Variants in CLXN observed in about 807,000 individuals in gnomAD.
CLXN encodes the protein calaxin.
the CLXN span, among the ~76,000 whole-genome samples, chr8:48,726,224 T>TCATCCATCCATC: frequency 7.8e-6 from 1 of 128,210 alleles, no homozygotes; most frequent in African/African-American, 3.0e-5. Context: ...CCCATTCACT[T>TCATCCATCCATC]CATCCATCCA....
At chr8:48,716,410 G>C in the CLXN span, 3 of 152,666 alleles carry the variant, frequency 2.0e-5, no homozygotes, top group East Asian at 5.8e-4. Flanking sequence ...CTCTGGCCTA[G>C]GCCTGCCCAG....
chr8:48,733,076 A>C, the CLXN span, among the ~76,000 whole-genome samples: 4 of 152,166 alleles, frequency 2.6e-5, no homozygotes, highest in Non-Finnish European at 5.9e-5. Context: ...TTAAGCACTT[A>C]AAATGGTTAA....
At chr8:48,733,168 G>A in the CLXN span, among the ~76,000 whole-genome samples, 9 of 152,080 alleles carry the variant, frequency 5.9e-5, no homozygotes, top group South Asian at 2.1e-4. Context: ...TAGTTGTTGC[G>A]GAAGAAAAGC....
the CLXN span, among the ~76,000 whole-genome samples, chr8:48,721,234 T>C: frequency 6.6e-6 from 1 of 151,988 alleles, no homozygotes; most frequent in Non-Finnish European, 1.5e-5. Context: ...TAAAAAATAG[T>C]AATAAACTTA....
At chr8:48,725,752 C>T in the CLXN span, among the ~76,000 whole-genome samples, 45 of 151,806 alleles carry the variant, frequency 3.0e-4, no homozygotes, top group South Asian at 1.3e-3. Flanking sequence ...TGCGGTGAGC[C>T]GAGATTGTGC....
chr8:48,734,924 C>T, the CLXN span, among the ~76,000 whole-genome samples: 5 of 152,122 alleles, frequency 3.3e-5, no homozygotes, highest in African/African-American at 4.8e-5. Context: ...GAGCTGGCAC[C>T]CCGGGATTCC....
chr8:48,735,019 G>T, the CLXN span: 1 of 1,544,980 alleles, frequency 6.5e-7, no homozygotes, highest in Non-Finnish European at 8.9e-7. Flanking sequence ...AGGCACAACA[G>T]CGGACCTTAG....
chr8:48,719,700 T>C, the CLXN span, among the ~76,000 whole-genome samples: 3 of 152,184 alleles, frequency 2.0e-5, no homozygotes, highest in Non-Finnish European at 2.9e-5. Context: ...AAATAAAGCA[T>C]TTAACAAAGT....
chr8:48,724,566 C>T, the CLXN span: 1 of 471,894 alleles, frequency 2.1e-6, no homozygotes, highest in East Asian at 3.4e-5. Context: ...GACTTCTTGT[C>T]TTCCATCTAT....
At chr8:48,735,181 G>T in the CLXN span, 5 of 1,612,786 alleles carry the variant, frequency 3.1e-6, no homozygotes, top group Admixed American at 1.7e-5. Context: ...GGGCCGCGGC[G>T]GGGGTCTCTG....
chr8:48,726,179 C>T, the CLXN span, among the ~76,000 whole-genome samples: 1 of 140,840 alleles, frequency 7.1e-6, no homozygotes, highest in South Asian at 2.6e-4. Context: ...ATCCACCCAT[C>T]CATCCACTCA....
At chr8:48,714,724 G>T in the CLXN span, among the ~76,000 whole-genome samples, 1 of 152,206 alleles carries the variant, frequency 6.6e-6, no homozygotes, top group East Asian at 1.9e-4. Context: ...AGTTCAGTTG[G>T]AAGCCTTTCC....
chr8:48,733,899 AATGTTTACTAG>A, the CLXN span, among the ~76,000 whole-genome samples: 13 of 152,318 alleles, frequency 8.5e-5, no homozygotes, highest in East Asian at 1.3e-3. Context: ...ATTTATCAAA[AATGTTTACTAG>A]ATGTTTACTA....
the CLXN span, chr8:48,730,577 T>C: frequency 6.2e-7 from 1 of 1,611,950 alleles, no homozygotes. Flanking sequence ...GAAGAAACAG[T>C]GATAATCCAT....
At chr8:48,719,763 T>C in the CLXN span, among the ~76,000 whole-genome samples, 17 of 152,134 alleles carry the variant, frequency 1.1e-4, no homozygotes, top group Admixed American at 6.5e-5. Flanking sequence ...ACTAGGAACT[T>C]ACCTCAACAC....
the CLXN span, among the ~76,000 whole-genome samples, chr8:48,722,824 A>AT: frequency 6.6e-6 from 1 of 152,170 alleles, no homozygotes; most frequent in Non-Finnish European, 1.5e-5. Context: ...AAAGAAGGAA[A>AT]TTATGCCATT....
the CLXN span, among the ~76,000 whole-genome samples, chr8:48,727,215 C>T: frequency 2.2e-4 from 2 of 9,006 alleles, no homozygotes; most frequent in South Asian, 9.6e-3. Flanking sequence ...TCTATCCACT[C>T]ATCCATCCAT....
the CLXN span, among the ~76,000 whole-genome samples, chr8:48,713,364 A>G: frequency 1.3e-5 from 2 of 152,196 alleles, no homozygotes; most frequent in South Asian, 4.1e-4. Flanking sequence ...GATGAGAACT[A>G]AACACTAGCT....
the CLXN span, chr8:48,715,890 G>T: frequency 1.3e-5 from 2 of 152,284 alleles, no homozygotes; most frequent in East Asian, 3.9e-4. Context: ...CAACCCCAAA[G>T]AAATGGAAAT....
Sources: allele counts gnomAD v4.1 joint callset (sites outside exome capture counted in the v4.1 genomes callset), GRCh38; gene constraint gnomAD v4.1.1; transcripts MANE v1.5; gene names NCBI Gene and HGNC (gene_info 2026-07-23, HGNC 2026-07-21).